The following FBXO15 variants were observed in gnomAD, a reference collection of about 807,000 sequenced individuals.
FBXO15 encodes the protein F-box protein 15.
FBXO15 carries 30 observed loss-of-function variants against 49.5 expected under a neutral mutation model. That is an observed-to-expected ratio of 0.61 (90% CI 0.45 to 0.82). The LOEUF is 0.82. Among genes scored for constraint, FBXO15 ranks in the 40% least tolerant of loss-of-function variants. FBXO15 has a pLI of 0.00. For synonymous variants in FBXO15, 250 were observed against 232.7 expected (o/e 1.07, Z -0.68); for missense variants, 591 against 631.5 (o/e 0.94, Z 0.69).
chr18:74,082,539 TGA>T (rs1452487586), intron 8 of FBXO15, among the ~76,000 whole-genome samples: 2 of 152,056 alleles, frequency 1.3e-5, no homozygotes, highest in Non-Finnish European at 2.9e-5. Flanking sequence ...TGTAACTGAG[TGA>T]GAGTCCGTGC....
In FBXO15 at chr18:74,130,634, T is replaced by C; in HGVS notation, c.357A>G (p.Ser119=). The change falls in exon 4 of 10, where the codon TCA becomes TCG. Residue 119 remains serine, a synonymous_variant. Transcript: ENST00000419743. ...NDNFIWIGIY[S]TAFSPARSNW... The stretch of plus-strand genomic sequence containing the variant: ...TTGATCTTGCAGGTGAAAAAGCAGT[T>C]GAGTAGATTCCGATCCAAATAAAAC... The C allele has an allele frequency of 6.2e-7, 1 of 1,613,820 alleles. No homozygotes were observed. Among genetic ancestry groups the C allele is most frequent in the South Asian group, 1.1e-5 (1 of 91,040 alleles).
At chr18:74,102,332 T>C (rs1913559330) in intron 8 of FBXO15, among the ~76,000 whole-genome samples, 1 of 151,964 alleles carries the variant, frequency 6.6e-6, no homozygotes, top group Admixed American at 6.6e-5. Context: ...GATATACAAA[T>C]GGCCAACAAA....
chr18:74,077,244 G>C (rs1307863218), intron 9 of FBXO15, among the ~76,000 whole-genome samples: 2 of 152,206 alleles, frequency 1.3e-5, no homozygotes, highest in Admixed American at 6.5e-5. Context: ...TAAAATGAGA[G>C]GGAGGTGGTA....
rs1352724870 is a variant in FBXO15 at position 74,075,143 on chromosome 18, G to C, written c.1264-1413C>G. The stretch of plus-strand genomic sequence containing the variant: ...CTGACGGTCCCACCCTGGCTCTCTG[G>C]GTGGCTCCCTCTCCGCCTCATGGAA... On this transcript the variant is annotated intron_variant, in intron 9 of 9. Coordinates refer to ENST00000419743, the MANE Select transcript of FBXO15 (RefSeq NM_001142958.2). The surrounding 1 kb of genome is among the most constrained non-coding windows in gnomAD (Gnocchi z 4.1). 1.3e-5 allele frequency among the ~76,000 whole-genome samples: 2 copies of C among 152,162 alleles called. No individual in the cohort carries two copies. Among genetic ancestry groups the C allele is most frequent in the Non-Finnish European group, 2.9e-5 (2 of 68,026 alleles).
At chr18:74,092,392 C>T (rs112745806) in intron 8 of FBXO15, among the ~76,000 whole-genome samples, 2,857 of 152,208 alleles carry the variant, frequency 0.019, 102 homozygotes, top group African/African-American at 0.062. Flanking sequence ...TCATTTCAGC[C>T]TGGTTAAGAA....
intron 5 of FBXO15, among the ~76,000 whole-genome samples, chr18:74,128,842 G>A (rs958934750): frequency 2.6e-5 from 4 of 152,158 alleles, no homozygotes; most frequent in African/African-American, 4.8e-5. Flanking sequence ...GCTGATCTAC[G>A]CATTTTATAG....
At chr18:74,139,050 CCCA>C (rs1041115530) in intron 2 of FBXO15, among the ~76,000 whole-genome samples, 33 of 152,132 alleles carry the variant, frequency 2.2e-4, no homozygotes, top group Non-Finnish European at 3.2e-4. Flanking sequence ...ATCTGGAGCC[CCCA>C]CCACCACACC....
intron 5 of FBXO15, 92 bp downstream of exon 5, chr18:74,129,313 C>T (rs117798509): frequency 0.012 from 13,604 of 1,089,544 alleles, 152 homozygotes; most frequent in Non-Finnish European, 0.014. Flanking sequence ...AATTAAAAAA[C>T]GCTGCTCTTA....
chr18:74,109,089 G>A (rs541627307), intron 8 of FBXO15, among the ~76,000 whole-genome samples: 1 of 152,228 alleles, frequency 6.6e-6, no homozygotes, highest in South Asian at 2.1e-4. Flanking sequence ...ATGATCATCT[G>A]ACAAAGGGCC....
At chr18:74,125,504 C>A (rs1033438040) in intron 6 of FBXO15, among the ~76,000 whole-genome samples, 1 of 152,190 alleles carries the variant, frequency 6.6e-6, no homozygotes, top group Non-Finnish European at 1.5e-5. Flanking sequence ...AGGATAACAT[C>A]GTAGACAGCT....
chr18:74,118,485 C>CAGAGAG (rs138973983), intron 8 of FBXO15, among the ~76,000 whole-genome samples: 1 of 146,244 alleles, frequency 6.8e-6, no homozygotes, highest in Non-Finnish European at 1.5e-5. Flanking sequence ...ACATTATACA[C>CAGAGAG]AGAGAGAGAG....
At chr18:74,130,378 G>A in intron 4 of FBXO15, 38 bp downstream of exon 4, 1 of 1,610,998 alleles carries the variant, frequency 6.2e-7, no homozygotes. Context: ...GATACTTTGA[G>A]CTGATGCCAT....
chr18:74,132,918 C>G (rs892480403), intron 3 of FBXO15, among the ~76,000 whole-genome samples: 1 of 152,198 alleles, frequency 6.6e-6, no homozygotes, highest in African/African-American at 2.4e-5. Context: ...GGGAGTAGCC[C>G]CGCTGCTGGG....
intron 8 of FBXO15, among the ~76,000 whole-genome samples, chr18:74,087,563 G>A (rs921021444): frequency 3.9e-5 from 6 of 152,126 alleles, no homozygotes. Flanking sequence ...AAAGGACATG[G>A]CTGCATAATA....
intron 7 of FBXO15, 141 bp from the exon 8 acceptor site, chr18:74,123,651 T>C: frequency 1.1e-6 from 1 of 901,394 alleles, no homozygotes; most frequent in South Asian, 1.9e-5. Context: ...TTCCCTATAA[T>C]CTTCAATACT....
intron 8 of FBXO15, among the ~76,000 whole-genome samples, chr18:74,100,915 T>C (rs1213191552): frequency 6.6e-6 from 1 of 151,912 alleles, no homozygotes; most frequent in Admixed American, 6.6e-5. Flanking sequence ...AATGGTAATT[T>C]AAAAATTACC....
rs182525302 is a variant in FBXO15 at position 74,115,657 on chromosome 18, C to T, written c.1138+7711G>A. 3.1e-4 allele frequency among the ~76,000 whole-genome samples: 47 copies of T among 152,256 alleles called. 1 individual carries two copies. The highest frequency in any genetic ancestry group is 1.0e-3 in the African/African-American group (43 of 41,550). On this transcript the variant is annotated intron_variant, in intron 8 of 9. Transcript: ENST00000419743. ...GTATAAGGCAAATTATTCTACACAA[C>T]GCATTCCATACTTTCTAAAGAAATA...
chr18:74,130,214 C>G (rs79555759), intron 4 of FBXO15, among the ~76,000 whole-genome samples: 1 of 152,118 alleles, frequency 6.6e-6, no homozygotes, highest in Non-Finnish European at 1.5e-5. Context: ...AGTTCCCCCC[C>G]ACTAATATTT....
intron 2 of FBXO15, among the ~76,000 whole-genome samples, chr18:74,139,437 C>T (rs1599191722): frequency 6.6e-6 from 1 of 152,188 alleles, no homozygotes; most frequent in African/African-American, 2.4e-5. Flanking sequence ...GGGTTTTAAG[C>T]TGAAATTAAT....
Sources: allele counts gnomAD v4.1 joint callset (sites outside exome capture counted in the v4.1 genomes callset), GRCh38; gene constraint gnomAD v4.1.1; non-coding constraint Gnocchi (gnomAD v3.1); transcripts MANE v1.5; gene names NCBI Gene and HGNC (gene_info 2026-07-23, HGNC 2026-07-21).